The following LHFPL3 variants were observed in gnomAD, a reference collection of about 807,000 sequenced individuals.
LHFPL3 encodes LHFPL tetraspan subfamily member 3 protein.
LHFPL3 carries 5 observed loss-of-function variants against 19.3 expected under a neutral mutation model. The observed-to-expected ratio is 0.26, with a 90% CI of 0.14 to 0.54. The LOEUF is 0.54. LHFPL3 is among the 20% of genes least tolerant of loss of function. LHFPL3 has a pLI of 0.94. For missense variants in LHFPL3, 249 were observed against 307.4 expected (o/e 0.81, Z 1.42); for synonymous variants, 133 against 126.2 (o/e 1.05, Z -0.36).
chr7:104,491,531 A>G (rs754220971), intron 1 of LHFPL3, among the ~76,000 whole-genome samples: 9 of 152,064 alleles, frequency 5.9e-5, no homozygotes, highest in Non-Finnish European at 1.0e-4. Flanking sequence ...AACAGCCCAC[A>G]CATTGCCTCA....
intron 1 of LHFPL3, among the ~76,000 whole-genome samples, chr7:104,384,557 C>T (rs759030632): frequency 7.9e-5 from 12 of 151,456 alleles, no homozygotes; most frequent in African/African-American, 1.9e-4. Context: ...GAGGCCGAGG[C>T]GGGTGGATCA....
intron 2 of LHFPL3, among the ~76,000 whole-genome samples, chr7:104,768,030 CTCTT>C (rs1794486675): frequency 6.6e-6 from 1 of 151,748 alleles, no homozygotes; most frequent in Admixed American, 6.6e-5. Context: ...GAGATAATGA[CTCTT>C]TCAGCAAAGA....
At chr7:104,818,387 TA>T (rs74273539) in intron 2 of LHFPL3, among the ~76,000 whole-genome samples, 31,196 of 131,252 alleles carry the variant, frequency 0.24, 3,382 homozygotes, top group Middle Eastern at 0.33. Context: ...CTTCTCTCAT[TA>T]AAAAAAAAAA....
chr7:104,371,447 C>T lies in LHFPL3; in HGVS notation c.445+42223C>T, dbSNP rs1250904186. Among the ~76,000 whole-genome samples, 3 of 152,244 alleles carry T rather than the reference C, an allele frequency of 2.0e-5. No homozygotes were observed. The East Asian group carries it at 5.8e-4, about 29-fold the overall frequency. ...GGCAACAGGCTAATTCACGTGCAAT[C>T]CCATGATTCTGTGGTTTGTTTTTCT... is the stretch of plus-strand genomic sequence containing the variant. On this transcript the variant is annotated intron_variant, in intron 1 of 2. Coordinates refer to ENST00000424859, the MANE Select transcript of LHFPL3 (RefSeq NM_199000.3).
At chr7:104,589,971 T>C (rs922795508) in intron 1 of LHFPL3, among the ~76,000 whole-genome samples, 2 of 152,136 alleles carry the variant, frequency 1.3e-5, no homozygotes, top group South Asian at 2.1e-4. Context: ...TCCTTTATCA[T>C]TTTTATTGCA....
chr7:104,859,600 C>G (rs769273258), intron 2 of LHFPL3, among the ~76,000 whole-genome samples: 1 of 151,666 alleles, frequency 6.6e-6, no homozygotes, highest in Non-Finnish European at 1.5e-5. Context: ...ACCCGGAAGG[C>G]GGAGGTTTCG....
At position 104,878,486 on chromosome 7, in the gene LHFPL3, G is replaced by A. The variant is rs114221786; in HGVS notation, c.683-27701G>A. ...TAATTGTTTTGGGGTACTACAAACC[G>A]CACCCATATAAGATGGCAAAGTTAA... is the stretch of plus-strand genomic sequence containing the variant. On this transcript the variant is annotated intron_variant, in intron 2 of 2. Coordinates refer to ENST00000424859, the MANE Select transcript of LHFPL3 (RefSeq NM_199000.3). Among the ~76,000 whole-genome samples the A allele has an allele frequency of 5.3e-5, 8 of 152,116 alleles. No homozygotes were observed. In the East Asian group the frequency reaches 5.8e-4, roughly 11 times the overall value.
chr7:104,622,799 T>C (rs185932433), intron 1 of LHFPL3, among the ~76,000 whole-genome samples: 60 of 152,286 alleles, frequency 3.9e-4, no homozygotes, highest in African/African-American at 1.4e-3. Context: ...CAGACGTATG[T>C]TTTAATTTCT....
chr7:104,819,853 G>C (rs1285353618), intron 2 of LHFPL3, among the ~76,000 whole-genome samples: 3 of 152,208 alleles, frequency 2.0e-5, no homozygotes, highest in African/African-American at 7.2e-5. Context: ...AAATTTTACA[G>C]AGACACACAT....
At chr7:104,729,658 C>A (rs1793655870) in intron 1 of LHFPL3, among the ~76,000 whole-genome samples, 1 of 152,056 alleles carries the variant, frequency 6.6e-6, no homozygotes, top group Non-Finnish European at 1.5e-5. Flanking sequence ...CACTTAACAT[C>A]ATGTTCTCCA....
chr7:104,649,227 A>T (rs1791984929), intron 1 of LHFPL3, among the ~76,000 whole-genome samples: 1 of 152,196 alleles, frequency 6.6e-6, no homozygotes, highest in Non-Finnish European at 1.5e-5. Context: ...CTTCACAGAC[A>T]CCTGAGGAAC....
At chr7:104,638,932 A>AT (rs374523317) in intron 1 of LHFPL3, among the ~76,000 whole-genome samples, 2,620 of 142,558 alleles carry the variant, frequency 0.018, 95 homozygotes, top group East Asian at 0.14. Flanking sequence ...CACACCCAGC[A>AT]TTTTTTTTTT....
chr7:104,351,873 C>T (rs926527059), intron 1 of LHFPL3, among the ~76,000 whole-genome samples: 9 of 152,210 alleles, frequency 5.9e-5, no homozygotes, highest in African/African-American at 1.4e-4. Context: ...CCTGTTACAT[C>T]GAAGCCCATC....
At chr7:104,641,507 T>C (rs1414565171) in intron 1 of LHFPL3, among the ~76,000 whole-genome samples, 4 of 152,238 alleles carry the variant, frequency 2.6e-5, no homozygotes, top group African/African-American at 9.6e-5. Context: ...CCATTTTCGT[T>C]AGAGGTATAC....
intron 1 of LHFPL3, among the ~76,000 whole-genome samples, chr7:104,703,264 T>C (rs914700853): frequency 6.6e-6 from 1 of 152,252 alleles, no homozygotes; most frequent in Non-Finnish European, 1.5e-5. Flanking sequence ...ATACAAATTA[T>C]ACAAATGTCA....
intron 1 of LHFPL3, among the ~76,000 whole-genome samples, chr7:104,727,818 T>A (rs563985072): frequency 6.6e-6 from 1 of 151,678 alleles, no homozygotes; most frequent in Non-Finnish European, 1.5e-5. Context: ...GATTACAGAG[T>A]TTTTGAATAC....
chr7:104,822,597 A>G, intron 2 of LHFPL3, among the ~76,000 whole-genome samples: 1 of 152,170 alleles, frequency 6.6e-6, no homozygotes, highest in East Asian at 1.9e-4. Flanking sequence ...CATGAGAGTG[A>G]AAATTTCTCC....
At chr7:104,386,753 A>T (rs1488471893) in intron 1 of LHFPL3, among the ~76,000 whole-genome samples, 1 of 152,248 alleles carries the variant, frequency 6.6e-6, no homozygotes. Flanking sequence ...TTGTTCAATC[A>T]TTAGCTGACC....
chr7:104,756,641 A>T (rs1298599006), intron 2 of LHFPL3, among the ~76,000 whole-genome samples: 1 of 152,162 alleles, frequency 6.6e-6, no homozygotes, highest in Non-Finnish European at 1.5e-5. Context: ...ATGGGATTAC[A>T]GGCATGCTCC....
Sources: gnomAD v4.1 joint callset for allele counts (sites outside exome capture counted in the v4.1 genomes callset) on GRCh38, gnomAD v4.1.1 for gene constraint, MANE v1.5 for transcripts, NCBI Gene and HGNC (gene_info 2026-07-23, HGNC 2026-07-21) for gene names.